SLC16A9: variants seen among roughly 807,000 people sequenced by gnomAD.
The protein encoded by SLC16A9 is solute carrier family 16 member 9, also known as monocarboxylate transporter 9.
SLC16A9 carries 26 observed loss-of-function variants against 44.3 expected under a neutral mutation model. The observed-to-expected ratio is 0.59, with a 90% CI of 0.43 to 0.81. SLC16A9 has a LOEUF of 0.81. Ranked by LOEUF, SLC16A9 falls within the 40% of genes least tolerant of loss-of-function variation. SLC16A9 has a pLI of 0.00. For synonymous variants in SLC16A9, 230 were observed against 225.1 expected, an observed-to-expected ratio of 1.02 and a Z score of -0.19; for missense variants, 559 against 595.8, an observed-to-expected ratio of 0.94 and a Z score of 0.64.
chr10:59,672,634 G>T, intron 3 of SLC16A9, 136 bp downstream of exon 3: 1 of 892,196 alleles, frequency 1.1e-6, no homozygotes, highest in Non-Finnish European at 1.7e-6. Context: ...AACAGTTTTT[G>T]GAGAAGTGGT....
At chr10:59,668,927 G>T (rs2132441679) in intron 3 of SLC16A9, among the ~76,000 whole-genome samples, 1 of 152,220 alleles carries the variant, frequency 6.6e-6, no homozygotes, top group Non-Finnish European at 1.5e-5. Flanking sequence ...TACAGGAAAT[G>T]CTCTTTATCT....
intron 2 of SLC16A9, among the ~76,000 whole-genome samples, chr10:59,682,770 T>C (rs1310233180): frequency 6.6e-6 from 1 of 151,884 alleles, no homozygotes; most frequent in Non-Finnish European, 1.5e-5. Flanking sequence ...ATATCAGTTA[T>C]CATCCACTTG....
chr10:59,707,280 AAG>A (rs1840662120), intron 1 of SLC16A9, among the ~76,000 whole-genome samples: 243 of 23,672 alleles, frequency 0.01, 2 homozygotes, highest in African/African-American at 0.042. Flanking sequence ...GAGAGGAGGG[AAG>A]GGAAGGGAAG....
At chr10:59,664,395 G>T in intron 3 of SLC16A9, 73 bp from the exon 4 acceptor site, 2 of 997,422 alleles carry the variant, frequency 2.0e-6, no homozygotes, top group Non-Finnish European at 3.1e-6. Context: ...GGAAAAACAA[G>T]TATGTCCGAT....
chr10:59,695,316 T>C (rs1382919730), intron 1 of SLC16A9, among the ~76,000 whole-genome samples: 1 of 152,162 alleles, frequency 6.6e-6, no homozygotes, highest in East Asian at 1.9e-4. Flanking sequence ...TATATGTAAT[T>C]TATAATTTAA....
At chr10:59,684,430 C>G (rs1430961865) in intron 1 of SLC16A9, 103 bp from the exon 2 acceptor site, 6 of 520,060 alleles carry the variant, frequency 1.2e-5, no homozygotes, top group Non-Finnish European at 1.6e-5. Flanking sequence ...AAAAAAGGTT[C>G]TCCAAAGACA....
intron 1 of SLC16A9, among the ~76,000 whole-genome samples, chr10:59,696,633 G>T (rs915826724): frequency 6.6e-6 from 1 of 150,394 alleles, no homozygotes; most frequent in Non-Finnish European, 1.5e-5. Flanking sequence ...GTCTCTGCCC[G>T]GCCGCCATCC....
chr10:59,684,154 T>A lies in SLC16A9; in HGVS notation c.138A>T (p.Glu46Asp). ...LYIEWLDAFG[E>D]GKGKTAWVGS... is the part of the protein sequence containing the mutation. Reference sequence around the variant, plus strand: ...CAACCCAGGCTGTTTTTCCTTTTCCTTCACCAAAGGCATCCAGCCATTCTA... The same window carrying A: ...CAACCCAGGCTGTTTTTCCTTTTCCATCACCAAAGGCATCCAGCCATTCTA... Residue 46 changes from glutamate to aspartate, a missense_variant, in exon 2 of 6, where the codon GAA becomes GAT. By Grantham distance (45) the Glu-to-Asp change is conservative. Coordinates refer to ENST00000395348, the MANE Select transcript of SLC16A9 (RefSeq NM_194298.3). 1 of 1,614,054 alleles carries A rather than the reference T, an allele frequency of 6.2e-7. No individual in the cohort carries two copies. The highest frequency in any genetic ancestry group is 8.5e-7 in the Non-Finnish European group (1 of 1,179,964).
At chr10:59,670,897 G>A (rs572408075) in intron 3 of SLC16A9, among the ~76,000 whole-genome samples, 1 of 152,192 alleles carries the variant, frequency 6.6e-6, no homozygotes, top group African/African-American at 2.4e-5. Context: ...CAACCATGGT[G>A]GTAAATATTA....
intron 1 of SLC16A9, among the ~76,000 whole-genome samples, chr10:59,702,257 A>T (rs1188327399): frequency 2.0e-5 from 3 of 152,274 alleles, no homozygotes; most frequent in African/African-American, 4.8e-5. Flanking sequence ...CTGAAAAGCT[A>T]GCCAAATACA....
At chr10:59,658,787 A>G (rs754114360) in intron 4 of SLC16A9, among the ~76,000 whole-genome samples, 1 of 152,090 alleles carries the variant, frequency 6.6e-6, no homozygotes, top group African/African-American at 2.4e-5. Flanking sequence ...CACAATTCAC[A>G]CTTCTCACCG....
chr10:59,660,982 T>C (rs553641100), intron 4 of SLC16A9, among the ~76,000 whole-genome samples: 84 of 152,298 alleles, frequency 5.5e-4, no homozygotes, highest in Non-Finnish European at 1.0e-3. Flanking sequence ...CTCAATAACC[T>C]AGGTATTGAT....
At chr10:59,676,275 A>T (rs763496944) in intron 2 of SLC16A9, among the ~76,000 whole-genome samples, 2 of 152,228 alleles carry the variant, frequency 1.3e-5, no homozygotes, top group Admixed American at 6.5e-5. Context: ...ATATTTCAGC[A>T]ATAACAAGAC....
intron 2 of SLC16A9, among the ~76,000 whole-genome samples, chr10:59,678,226 C>A (rs1479730477): frequency 6.6e-6 from 1 of 151,988 alleles, no homozygotes; most frequent in African/African-American, 2.4e-5. Flanking sequence ...ACCTGCCATG[C>A]AGCAAGGATT....
intron 1 of SLC16A9, among the ~76,000 whole-genome samples, chr10:59,696,158 A>G (rs1460753836): frequency 6.6e-6 from 1 of 151,964 alleles, no homozygotes; most frequent in Non-Finnish European, 1.5e-5. Context: ...TGCCCAGCCG[A>G]AGCTGGACTG....
chr10:59,677,862 T>C (rs1684164070), intron 2 of SLC16A9, among the ~76,000 whole-genome samples: 1 of 152,008 alleles, frequency 6.6e-6, no homozygotes, highest in Admixed American at 6.5e-5. Context: ...TTTTTTAAGT[T>C]TAGCTACTTT....
At chr10:59,657,835 C>G (rs1347677495) in intron 4 of SLC16A9, among the ~76,000 whole-genome samples, 8 of 152,072 alleles carry the variant, frequency 5.3e-5, no homozygotes, top group Non-Finnish European at 1.2e-4. Flanking sequence ...TCTAAGCCAC[C>G]CAGCCAGCTG....
At chr10:59,665,842 C>T (rs1363490479) in intron 3 of SLC16A9, among the ~76,000 whole-genome samples, 2 of 152,162 alleles carry the variant, frequency 1.3e-5, no homozygotes, top group East Asian at 3.9e-4. Flanking sequence ...TACTAAATGT[C>T]AATGCCAAAA....
At chr10:59,671,565 C>T (rs1459741264) in intron 3 of SLC16A9, among the ~76,000 whole-genome samples, 1 of 152,180 alleles carries the variant, frequency 6.6e-6, no homozygotes, top group Non-Finnish European at 1.5e-5. Flanking sequence ...TTAATTATAG[C>T]ACATATACAC....
Sources: gnomAD v4.1 joint callset for allele counts (sites outside exome capture counted in the v4.1 genomes callset) on GRCh38, gnomAD v4.1.1 for gene constraint, MANE v1.5 for transcripts, NCBI Gene and HGNC (gene_info 2026-07-23, HGNC 2026-07-21) for gene names.